Variants in INHBE observed in about 807,000 individuals in gnomAD.
INHBE encodes inhibin subunit beta E.
Under a neutral mutation model 27.8 loss-of-function variants are expected in INHBE, and 19 were observed. The observed-to-expected ratio is 0.68, with a 90% confidence interval of 0.48 to 1.00. The LOEUF (loss-of-function observed/expected upper bound fraction) is 1.00, where lower values mean the gene tolerates loss of function less well. Ranked by LOEUF, INHBE falls within the 50% of genes least tolerant of loss-of-function variation. The pLI, the probability that INHBE is intolerant of heterozygous loss-of-function variation, is 0.00. For missense variants in INHBE, 398 were observed against 433.9 expected, an observed-to-expected ratio of 0.92 and a Z score of 0.73; for synonymous variants, 196 against 187.2, an observed-to-expected ratio of 1.05 and a Z score of -0.38.
rs1870814702 is a variant in INHBE at position 57,455,800 on chromosome 12, T to G, written c.264T>G (p.Asn88Lys). The change falls in exon 1 of 2, where the codon AAT becomes AAG. Residue 88 changes from asparagine (N) to lysine (K), a missense_variant. By Grantham distance (94) the Asn-to-Lys change is moderately conservative. Coordinates refer to ENST00000266646, the MANE Select transcript of INHBE (RefSeq NM_031479.5). ...AGCCAGGGAGTGTGGCTCCAGGGAA[T>G]GGGGAGGAGGTCATCAGCTTTGCTA... ...RLQPGSVAPG[N>K]GEEVISFATV... 6.2e-7 allele frequency: 1 copy of G among 1,613,596 alleles called. No homozygotes were observed. The highest frequency in any genetic ancestry group is 1.7e-5 in the Admixed American group (1 of 59,968).
At chr12:57,455,944 TG>T in intron 1 of INHBE, 110 bp downstream of exon 1, 1 of 1,375,262 alleles carries the variant, frequency 7.3e-7, no homozygotes. Context: ...AAGGAGGAGC[TG>T]GGGCAGGGAC....
chr12:57,455,814 T>G lies in INHBE; in HGVS notation c.278T>G (p.Ile93Ser). The change falls in exon 1 of 2, where the codon ATC (isoleucine) becomes AGC (serine). Residue 93 changes from isoleucine (I) to serine (S), a missense_variant. Ile to Ser is a moderately radical substitution (Grantham distance 142). Coordinates refer to ENST00000266646, the MANE Select transcript of INHBE (RefSeq NM_031479.5). ...GCTCCAGGGAATGGGGAGGAGGTCA[T>G]CAGCTTTGCTACTGTCACAGGTGGG... is the stretch of plus-strand genomic sequence containing the variant. ...SVAPGNGEEV[I>S]SFATVTDSTS... The G allele has an allele frequency of 1.2e-6, 2 of 1,613,874 alleles. No individual in the cohort carries two copies. Among genetic ancestry groups the G allele is most frequent in the Non-Finnish European group, 1.7e-6 (2 of 1,179,904 alleles).
In INHBE at chr12:57,456,526, C is replaced by A; in HGVS notation, c.731C>A (p.Thr244Asn). ...RRRTPTCEPA[T>N]PLCCRRDHYV... is the part of the protein sequence containing the mutation. ...AGGACCCCCACCTGTGAGCCTGCGA[C>A]CCCCTTATGTTGCAGGCGAGACCAT... The change falls in exon 2 of 2, where the codon ACC (threonine) becomes AAC (asparagine). Residue 244 changes from threonine (T) to asparagine (N), a missense_variant. Transcript: ENST00000266646. The A allele has an allele frequency of 6.2e-7, 1 of 1,614,190 alleles. No homozygotes were observed. The highest frequency in any genetic ancestry group is 8.5e-7 in the Non-Finnish European group (1 of 1,180,026).
In INHBE at chr12:57,456,078, T is replaced by C; in HGVS notation, c.299-16T>C. The C allele has an allele frequency of 1.3e-6, 2 of 1,594,236 alleles. No individual in the cohort carries two copies. The highest frequency in any genetic ancestry group is 2.2e-5 in the East Asian group (1 of 44,626). On this transcript the variant is annotated splice_polypyrimidine_tract_variant and intron_variant, in intron 1 of 1. Transcript: ENST00000266646. ...CTCTACTCACATTTTCTTTCCCTTT[T>C]CTGTCTTTCGGGCAGACTCCACTTC...
At position 57,455,524 on chromosome 12, in the gene INHBE, A is replaced by G. The variant is rs1870804040; in HGVS notation, c.-13A>G. 6.3e-7 allele frequency: 1 copy of G among 1,593,416 alleles called. No individual in the cohort carries two copies. The highest frequency in any genetic ancestry group is 1.1e-5 in the South Asian group (1 of 89,112). ...CATCCGAGGCTCCTGAACCAGGGCC[A>G]TTCACCAGGAGCATGCGGCTCCCTG... On this transcript the variant is annotated 5_prime_UTR_variant, in exon 1 of 2. Coordinates refer to ENST00000266646, the MANE Select transcript of INHBE (RefSeq NM_031479.5).
chr12:57,457,797 G>A lies in INHBE; in HGVS notation c.*949G>A, dbSNP rs1484407632. 2.0e-5 allele frequency: 3 copies of A among 152,256 alleles called. No homozygotes were observed. Among genetic ancestry groups the A allele is most frequent in the African/African-American group, 7.2e-5 (3 of 41,464 alleles). 9.4% of individuals were successfully genotyped at this position (152,256 alleles called of 1,614,324 possible). On this transcript the variant is annotated 3_prime_UTR_variant, in exon 2 of 2. Transcript: ENST00000266646. ...AAATGTGAGTCATAAAGAAGGGTTA[G>A]GGTGATGGTCCAGAGCAACAGTTCT...
Position 57,457,303 on chromosome 12 carries a change from C to T in INHBE, c.*455C>T, listed in dbSNP as rs188047475. On this transcript the variant is annotated 3_prime_UTR_variant, in exon 2 of 2. Coordinates refer to ENST00000266646, the MANE Select transcript of INHBE (RefSeq NM_031479.5). ...CTGTTGAGGTACCTTAAGGGAAGGT[C>T]AAGAGGGAGATGGGCAAGGCGCTGA... The T allele has an allele frequency of 1.9e-5, 3 of 158,990 alleles. No individual in the cohort carries two copies. In the East Asian group the frequency reaches 5.6e-4, roughly 30 times the overall value. The allele number at this position is 158,990 out of a possible 1,614,324, so 9.8% of individuals were successfully genotyped here.
In INHBE at chr12:57,456,859, T is replaced by G; in HGVS notation, c.*11T>G. 6.2e-7 allele frequency: 1 copy of G among 1,609,504 alleles called. No homozygotes were observed. Among genetic ancestry groups the G allele is most frequent in the Non-Finnish European group, 8.5e-7 (1 of 1,177,054 alleles). On this transcript the variant is annotated 3_prime_UTR_variant, in exon 2 of 2. Coordinates refer to ENST00000266646, the MANE Select transcript of INHBE (RefSeq NM_031479.5). ...TGTGGCTGCAGCTAGCAAGAGGACC[T>G]GGGGCTTTGGAGTGAAGAGACCAAG...
In INHBE at chr12:57,456,528, C is replaced by T; in HGVS notation, c.733C>T (p.Pro245Ser). ...GACCCCCACCTGTGAGCCTGCGACCCCCTTATGTTGCAGGCGAGACCATTA... is the reference window on the plus strand; with the variant it reads ...GACCCCCACCTGTGAGCCTGCGACCTCCTTATGTTGCAGGCGAGACCATTA... ...RRTPTCEPAT[P>S]LCCRRDHYVD... The change falls in exon 2 of 2, where the codon CCC (proline) becomes TCC (serine). Residue 245 changes from proline to serine, a missense_variant. Pro to Ser is a moderately conservative substitution (Grantham distance 74). Coordinates refer to ENST00000266646, the MANE Select transcript of INHBE (RefSeq NM_031479.5). The T allele has an allele frequency of 6.2e-7, 1 of 1,614,166 alleles. No homozygotes were observed. Among genetic ancestry groups the T allele is most frequent in the Admixed American group, 1.7e-5 (1 of 60,016 alleles).
chr12:57,456,377 C>G lies in INHBE; in HGVS notation c.582C>G (p.Pro194=), dbSNP rs1870832506. The change falls in exon 2 of 2, where the codon CCC becomes CCG. Residue 194 remains proline (P), a synonymous_variant. Coordinates refer to ENST00000266646, the MANE Select transcript of INHBE (RefSeq NM_031479.5). ...GVLKLQLDCR[P]LEGNSTVTGQ... is the part of the protein sequence containing the mutation. ...TGAAACTGCAACTAGACTGCAGACCCCTAGAAGGCAACAGCACAGTTACTG... is the reference window on the plus strand; with the variant it reads ...TGAAACTGCAACTAGACTGCAGACCGCTAGAAGGCAACAGCACAGTTACTG... The G allele has an allele frequency of 1.9e-6, 3 of 1,614,094 alleles. No homozygotes were observed. The highest frequency in any genetic ancestry group is 2.5e-6 in the Non-Finnish European group (3 of 1,180,010).
chr12:57,455,503 C>T lies in INHBE; in HGVS notation c.-34C>T, dbSNP rs780299376. On this transcript the variant is annotated 5_prime_UTR_variant, in exon 1 of 2. Transcript: ENST00000266646. ...CTCAACAGACGGAGCAACTGCCATC[C>T]GAGGCTCCTGAACCAGGGCCATTCA... is the stretch of plus-strand genomic sequence containing the variant. 40 of 1,567,176 alleles carry T rather than the reference C, an allele frequency of 2.6e-5. No homozygotes were observed. Among genetic ancestry groups the T allele is most frequent in the Middle Eastern group, 4.4e-4 (2 of 4,596 alleles).
At chr12:57,455,920 G>C in intron 1 of INHBE, 86 bp downstream of exon 1, 1 of 1,416,904 alleles carries the variant, frequency 7.1e-7, no homozygotes, top group Non-Finnish European at 9.7e-7. Context: ...AGAGGGAGTG[G>C]GGTGTGGCAG....
At position 57,456,794 on chromosome 12, in the gene INHBE, T is replaced by C; in HGVS notation, c.999T>C (p.Asn333=). 1 of 1,614,102 alleles carries C rather than the reference T, an allele frequency of 6.2e-7. No homozygotes were observed. Among genetic ancestry groups the C allele is most frequent in the Non-Finnish European group, 8.5e-7 (1 of 1,180,000 alleles). The change falls in exon 2 of 2, where the codon AAT becomes AAC. Residue 333 remains asparagine (N), a synonymous_variant. Coordinates refer to ENST00000266646, the MANE Select transcript of INHBE (RefSeq NM_031479.5). ...TCCTCTACCTGGATCATAATGGCAA[T>C]GTGGTCAAGACGGATGTGCCAGATA... ...LSLLYLDHNG[N]VVKTDVPDMV...
At position 57,456,555 on chromosome 12, in the gene INHBE, G is replaced by T. The variant is rs759206435; in HGVS notation, c.760G>T (p.Val254Leu). 1.9e-6 allele frequency: 3 copies of T among 1,614,048 alleles called. No individual in the cohort carries two copies. Among genetic ancestry groups the T allele is most frequent in the South Asian group, 1.1e-5 (1 of 91,088 alleles). ...CTTATGTTGCAGGCGAGACCATTAC[G>T]TAGACTTCCAGGAACTGGGATGGCG... is the stretch of plus-strand genomic sequence containing the variant. ...TPLCCRRDHYVDFQELGWRDW... is the reference protein window; with the variant it reads ...TPLCCRRDHYLDFQELGWRDW... Residue 254 changes from valine (V) to leucine (L), a missense_variant, in exon 2 of 2, where the codon GTA becomes TTA. Transcript: ENST00000266646.
chr12:57,456,205 C>T lies in INHBE; in HGVS notation c.410C>T (p.Thr137Ile). ...WLHVLPTLPG[T>I]LCLRIFRWGP... ...CACGTGCTCCCCACCCTTCCTGGCACTCTTTGCTTGAGGATCTTCCGATGG... is the reference window on the plus strand; with the variant it reads ...CACGTGCTCCCCACCCTTCCTGGCATTCTTTGCTTGAGGATCTTCCGATGG... Residue 137 changes from threonine (T) to isoleucine (I), a missense_variant, in exon 2 of 2, where the codon ACT becomes ATT. By Grantham distance (89) the Thr-to-Ile change is moderately conservative. Coordinates refer to ENST00000266646, the MANE Select transcript of INHBE (RefSeq NM_031479.5). The T allele has an allele frequency of 6.2e-7, 1 of 1,614,148 alleles. No individual in the cohort carries two copies. Among genetic ancestry groups the T allele is most frequent in the Non-Finnish European group, 8.5e-7 (1 of 1,180,020 alleles).
rs1050410512 is a variant in INHBE, at chr12:57,456,266, C to T, written c.471C>T (p.Leu157=). 3.1e-6 allele frequency: 5 copies of T among 1,614,030 alleles called. No homozygotes were observed. The highest frequency in any genetic ancestry group is 4.2e-6 in the Non-Finnish European group (5 of 1,180,026). ...GGAGGCGCCAAGGGTCCCGCACTCT[C>T]CTGGCTGAGCACCACATCACCAACC... ...PRRRRQGSRT[L]LAEHHITNLG... is the part of the protein sequence containing the mutation. The change falls in exon 2 of 2, where the codon CTC becomes CTT. Residue 157 remains leucine, a synonymous_variant. Transcript: ENST00000266646.
At position 57,457,059 on chromosome 12, in the gene INHBE, G is replaced by T. The variant is rs1870854330; in HGVS notation, c.*211G>T. On this transcript the variant is annotated 3_prime_UTR_variant, in exon 2 of 2. Transcript: ENST00000266646. ...AGGTTGGCTGATGTGTTGGGAGATG[G>T]GTAAAGCGTTTCTTCTAAAGGGGTC... 3.1e-5 allele frequency: 18 copies of T among 578,310 alleles called. No homozygotes were observed. In the East Asian group the frequency reaches 5.2e-4, roughly 17 times the overall value. 35.8% of individuals were successfully genotyped at this position (578,310 alleles called of 1,614,324 possible).
chr12:57,456,484 C>T lies in INHBE; in HGVS notation c.689C>T (p.Ala230Val), dbSNP rs201023614. ...AAGATCCGAGCCAATGAGCCTGGAG[C>T]AGGCCGGGCCAGGAGGAGGACCCCC... ...ELKIRANEPG[A>V]GRARRRTPTC... Residue 230 changes from alanine (A) to valine (V), a missense_variant, in exon 2 of 2, where the codon GCA (alanine) becomes GTA (valine). Ala to Val is a moderately conservative substitution (Grantham distance 64). Transcript: ENST00000266646. 80 of 1,614,172 alleles carry T rather than the reference C, an allele frequency of 5.0e-5. No homozygotes were observed. Among genetic ancestry groups the T allele is most frequent in the Non-Finnish European group, 6.2e-5 (73 of 1,180,020 alleles).
chr12:57,456,016 T>C, intron 1 of INHBE, 78 bp from the exon 2 acceptor site: 1 of 1,511,670 alleles, frequency 6.6e-7, no homozygotes, highest in Non-Finnish European at 8.9e-7. Context: ...GGGAGAGCAG[T>C]GGGCAGGGCT....
Sources: gnomAD v4.1 joint callset for allele counts on GRCh38, gnomAD v4.1.1 for gene constraint, MANE v1.5 for transcripts, NCBI Gene and HGNC (gene_info 2026-07-23, HGNC 2026-07-21) for gene names.